The following SMARCB1 variants were observed in gnomAD, a reference collection of about 807,000 sequenced individuals.
The protein encoded by SMARCB1 is SWI/SNF related BAF chromatin remodeling complex subunit B1.
Under a neutral mutation model 49.0 loss-of-function variants are expected in SMARCB1, and 5 were observed. The ratio of observed to expected loss-of-function variants is 0.10; its 90% CI spans 0.05 to 0.21. The LOEUF is 0.21. Among genes scored for constraint, SMARCB1 ranks in the 10% least tolerant of loss-of-function variants. SMARCB1 has a pLI of 1.00. For missense variants in SMARCB1, 226 were observed against 509.2 expected (o/e 0.44, Z 5.35); for synonymous variants, 201 against 200.1 (o/e 1.00, Z -0.04).
At chr22:23,803,023 T>C in intron 4 of SMARCB1, 4 of 544,594 alleles carry the variant, frequency 7.3e-6, no homozygotes, top group Non-Finnish European at 6.7e-6. Flanking sequence ...TAAATATCCC[T>C]TCACAGGATG....
At chr22:23,832,796 C>T (rs34979451) in intron 7 of SMARCB1, among the ~76,000 whole-genome samples, 2 of 152,254 alleles carry the variant, frequency 1.3e-5, no homozygotes, top group Non-Finnish European at 2.9e-5. Flanking sequence ...ACCCTCCCAC[C>T]TCCCCAGCAC....
At chr22:23,832,106 G>A (rs2030686429) in intron 7 of SMARCB1, among the ~76,000 whole-genome samples, 1 of 152,290 alleles carries the variant, frequency 6.6e-6, no homozygotes, top group East Asian at 1.9e-4. Context: ...GCAGCACTGA[G>A]CCCAACCTGG....
intron 1 of SMARCB1, among the ~76,000 whole-genome samples, chr22:23,789,242 G>A (rs901473036): frequency 2.0e-5 from 3 of 152,212 alleles, no homozygotes; most frequent in Admixed American, 1.3e-4. Flanking sequence ...CAGTGCTGGG[G>A]AGGTAGAGCC....
At chr22:23,832,652 C>G (rs2030714487) in intron 7 of SMARCB1, among the ~76,000 whole-genome samples, 1 of 151,786 alleles carries the variant, frequency 6.6e-6, no homozygotes, top group South Asian at 2.1e-4. Flanking sequence ...GCACCCAAAG[C>G]TGCTCTCAGA....
intron 5 of SMARCB1, among the ~76,000 whole-genome samples, chr22:23,810,028 C>T (rs796104031): frequency 6.7e-5 from 10 of 150,216 alleles, no homozygotes; most frequent in East Asian, 2.0e-4. Context: ...AACAATTAGC[C>T]GGGCGTGGTG....
rs751567714 is a variant in SMARCB1 at position 23,787,154 on chromosome 22, C to A, written c.-16C>A. 1 of 1,582,228 alleles carries A rather than the reference C, an allele frequency of 6.3e-7. No homozygotes were observed. Among genetic ancestry groups the A allele is most frequent in the Non-Finnish European group, 8.7e-7 (1 of 1,154,128 alleles). Reference sequence around the variant, plus strand: ...CCCTCGCAGCCCGGCTCCGGCCGCCCGCCTCTGCCGCCGCAATGATGATGA... The same window carrying A: ...CCCTCGCAGCCCGGCTCCGGCCGCCAGCCTCTGCCGCCGCAATGATGATGA... On this transcript the variant is annotated 5_prime_UTR_variant, in exon 1 of 9. Coordinates refer to ENST00000644036, the MANE Select transcript of SMARCB1 (RefSeq NM_003073.5).
In SMARCB1 at chr22:23,835,105, A is replaced by T; in HGVS notation, c.*925A>T. On this transcript the variant is annotated 3_prime_UTR_variant, in exon 9 of 9. Coordinates refer to ENST00000644036, the MANE Select transcript of SMARCB1 (RefSeq NM_003073.5). ...GCCTTACAAGCCAGCTGTGAGGAATATGGGAATAGCCCTCCCGGCCTGGTG... is the reference window on the plus strand; with the variant it reads ...GCCTTACAAGCCAGCTGTGAGGAATTTGGGAATAGCCCTCCCGGCCTGGTG... 2 of 1,389,036 alleles carry T rather than the reference A, an allele frequency of 1.4e-6. No individual in the cohort carries two copies. Among genetic ancestry groups the T allele is most frequent in the Non-Finnish European group, 1.9e-6 (2 of 1,074,608 alleles). 86.0% of individuals were successfully genotyped at this position (1,389,036 alleles called of 1,614,324 possible). A position where few individuals can be genotyped will look rare whatever the true frequency, so the allele number is the denominator to read the frequency against.
intron 5 of SMARCB1, among the ~76,000 whole-genome samples, chr22:23,811,014 G>A (rs1929836252): frequency 6.8e-6 from 1 of 147,272 alleles, no homozygotes; most frequent in African/African-American, 2.5e-5. Context: ...TCCAGCCTGG[G>A]CGACAGAGCA....
intron 1 of SMARCB1, 114 bp downstream of exon 1, chr22:23,787,376 C>CGG (rs1459298792): frequency 5.5e-5 from 28 of 505,284 alleles, no homozygotes; most frequent in Middle Eastern, 5.0e-4. Flanking sequence ...GGCGCGCGCG[C>CGG]GCGCGCTCGG....
Position 23,834,763 on chromosome 22 carries a change from G to A in SMARCB1, c.*583G>A. ...AGAGAGCTGAGAAGAGTAGCTGTGA[G>A]GCTCAGGGCAAGAGGCTCTCTGCCT... On this transcript the variant is annotated 3_prime_UTR_variant, in exon 9 of 9. Coordinates refer to ENST00000644036, the MANE Select transcript of SMARCB1 (RefSeq NM_003073.5). 7.1e-7 allele frequency: 1 copy of A among 1,414,430 alleles called. No individual in the cohort carries two copies. The highest frequency in any genetic ancestry group is 9.2e-7 in the Non-Finnish European group (1 of 1,087,400). The allele number at this position is 1,414,430 out of a possible 1,614,324, so 87.6% of individuals were successfully genotyped here.
intron 8 of SMARCB1, 118 bp downstream of exon 8, chr22:23,833,821 T>C: frequency 6.7e-6 from 8 of 1,185,564 alleles, no homozygotes; most frequent in Non-Finnish European, 9.9e-6. Context: ...CCTCTAGTGC[T>C]GCTAGAGGCA....
At chr22:23,820,345 C>A (rs899132677) in intron 6 of SMARCB1, among the ~76,000 whole-genome samples, 2 of 152,122 alleles carry the variant, frequency 1.3e-5, no homozygotes, top group African/African-American at 4.8e-5. Context: ...GAGACCGAGG[C>A]GGGCGGATCA....
rs536473119 is a variant in SMARCB1, at chr22:23,794,621, G to A, written c.362+933G>A. On this transcript the variant is annotated intron_variant, in intron 3 of 8. Transcript: ENST00000644036. Reference sequence around the variant, plus strand: ...ATGTATAAAAACTTAGAACCTGGCTGGGCACGGTGGCTCACACCTGTAATC... The same window carrying A: ...ATGTATAAAAACTTAGAACCTGGCTAGGCACGGTGGCTCACACCTGTAATC... Among the ~76,000 whole-genome samples the A allele has an allele frequency of 3.9e-5, 6 of 152,266 alleles. No individual in the cohort carries two copies. The East Asian group carries it at 1.2e-3, about 29-fold the overall frequency.
At position 23,830,272 on chromosome 22, in the gene SMARCB1, C is replaced by T. The variant is rs550582044; in HGVS notation, c.987-3300C>T. On this transcript the variant is annotated intron_variant, in intron 7 of 8. Coordinates refer to ENST00000644036, the MANE Select transcript of SMARCB1 (RefSeq NM_003073.5). ...TGGCTGCACCATTTTGCATTCCCAC[C>T]AGAAGCGTGCGATTCCCGTTTCTCT... 2.0e-5 allele frequency among the ~76,000 whole-genome samples: 3 copies of T among 152,328 alleles called. No individual in the cohort carries two copies. The East Asian group carries it at 5.8e-4, about 29-fold the overall frequency.
chr22:23,825,560 C>G (rs1601433860), intron 7 of SMARCB1, 145 bp downstream of exon 7: 1 of 533,594 alleles, frequency 1.9e-6, no homozygotes, highest in South Asian at 3.3e-5. Context: ...TTGCTCCGTC[C>G]TCCTCCTGCC....
At chr22:23,815,132 T>G (rs1930109607) in intron 5 of SMARCB1, 1 of 152,190 alleles carries the variant, frequency 6.6e-6, no homozygotes, top group African/African-American at 2.4e-5. Context: ...GGTGACAGCA[T>G]CAGATGCTGG....
chr22:23,835,764 C>T lies in SMARCB1; in HGVS notation c.*1584C>T, dbSNP rs151200188. 8.7e-3 allele frequency: 8,613 copies of T among 985,484 alleles called. 47 individuals carry two copies. The highest frequency in any genetic ancestry group is 0.018 in the Admixed American group (289 of 16,294). 61.0% of individuals were successfully genotyped at this position (985,484 alleles called of 1,614,324 possible). A position where few individuals can be genotyped will look rare whatever the true frequency, so the allele number is the denominator to read the frequency against. On this transcript the variant is annotated 3_prime_UTR_variant, in exon 9 of 9. Transcript: ENST00000644036. ...TCGGCAATGAAAGGGTGAGGCAGCC[C>T]TGTGTCTCCACAACTGGGGGGATGG... is the stretch of plus-strand genomic sequence containing the variant.
intron 5 of SMARCB1, among the ~76,000 whole-genome samples, chr22:23,809,633 G>A (rs1004837312): frequency 3.3e-5 from 5 of 151,124 alleles, no homozygotes; most frequent in African/African-American, 7.3e-5. Flanking sequence ...GGATGGTCTC[G>A]ATCTCCTGAC....
rs547758619 is a variant in SMARCB1, at chr22:23,795,175, C to T, written c.362+1487C>T. Among the ~76,000 whole-genome samples, 6 of 152,080 alleles carry T rather than the reference C, an allele frequency of 3.9e-5. No homozygotes were observed. In the South Asian group the frequency reaches 1.2e-3, roughly 31 times the overall value. On this transcript the variant is annotated intron_variant, in intron 3 of 8. Coordinates refer to ENST00000644036, the MANE Select transcript of SMARCB1 (RefSeq NM_003073.5). The stretch of plus-strand genomic sequence containing the variant: ...TGGTAGCTTATGCCTGTAATCTCAG[C>T]ACTTTGGGAAGTCAAGGCAGGAGGA...
Sources: gnomAD v4.1 joint callset for allele counts (sites outside exome capture counted in the v4.1 genomes callset) on GRCh38, gnomAD v4.1.1 for gene constraint, MANE v1.5 for transcripts, NCBI Gene and HGNC (gene_info 2026-07-23, HGNC 2026-07-21) for gene names.